PRKG1: variants seen among roughly 807,000 people sequenced by gnomAD.
PRKG1 encodes the protein cGMP-dependent protein kinase 1.
PRKG1 carries 35 observed loss-of-function variants against 88.1 expected under a neutral mutation model. The observed-to-expected ratio is 0.40, with a 90% CI of 0.30 to 0.53. PRKG1 has a LOEUF of 0.53. Among genes scored for constraint, PRKG1 ranks in the 20% least tolerant of loss-of-function variants. The pLI is 0.59. For missense variants in PRKG1, 540 were observed against 839.8 expected (o/e 0.64, Z 4.41); for synonymous variants, 303 against 292.5 (o/e 1.04, Z -0.37).
chr10:52,054,306 T>C (rs1452332726), intron 5 of PRKG1, among the ~76,000 whole-genome samples, 178 bp from the exon 6 acceptor site: 1 of 152,178 alleles, frequency 6.6e-6, no homozygotes, highest in Non-Finnish European at 1.5e-5. Flanking sequence ...ATAGAGATGA[T>C]ATCTTTGTCA....
intron 3 of PRKG1, among the ~76,000 whole-genome samples, chr10:51,472,289 T>C (rs181411567): frequency 6.6e-6 from 1 of 152,034 alleles, no homozygotes; most frequent in Admixed American, 6.6e-5. Flanking sequence ...TTACATTCCC[T>C]TGCAGCTGTT....
At chr10:51,936,951 A>ACAGT (rs1842811700) in intron 5 of PRKG1, among the ~76,000 whole-genome samples, 1 of 151,848 alleles carries the variant, frequency 6.6e-6, no homozygotes, top group South Asian at 2.1e-4. Flanking sequence ...AGGAATTGAT[A>ACAGT]TAGTTAGAAG....
chr10:51,146,248 A>AT (rs377584807), intron 1 of PRKG1, among the ~76,000 whole-genome samples: 364 of 151,194 alleles, frequency 2.4e-3, no homozygotes, highest in African/African-American at 7.0e-3. Context: ...GCATTTTGTT[A>AT]TTTTTTGTCT....
At chr10:51,034,666 A>ATT (rs5784854) in intron 1 of PRKG1, among the ~76,000 whole-genome samples, 3,026 of 25,684 alleles carry the variant, frequency 0.12, 217 homozygotes, top group Non-Finnish European at 0.14. Context: ...ATAATATGTT[A>ATT]TTTATATATA....
chr10:51,003,511 C>T (rs1005608416), intron 1 of PRKG1, among the ~76,000 whole-genome samples: 4 of 152,156 alleles, frequency 2.6e-5, no homozygotes, highest in Non-Finnish European at 5.9e-5. Flanking sequence ...TCCCCATTTG[C>T]CATGTTAAAA....
chr10:51,193,868 A>G lies in PRKG1; in HGVS notation c.478+40538A>G, dbSNP rs3901302. Among the ~76,000 whole-genome samples, 1,009 of 152,276 alleles carry G rather than the reference A, an allele frequency of 6.6e-3. 52 individuals carry two copies. The highest frequency in any genetic ancestry group is 0.062 in the Admixed American group (951 of 15,270). On this transcript the variant is annotated intron_variant, in intron 2 of 17. Transcript: ENST00000373980. ...CTGCACATTTGTGCCTATAATCACA[A>G]GACAGACCAGATGCGAAGGAGGACA...
chr10:51,937,214 C>CTTCACATG (rs1245279752), intron 5 of PRKG1, among the ~76,000 whole-genome samples: 1 of 151,918 alleles, frequency 6.6e-6, no homozygotes, highest in Non-Finnish European at 1.5e-5. Context: ...TGAAATAGTT[C>CTTCACATG]TTCACATGCA....
chr10:52,240,207 G>C (rs1403297780), intron 9 of PRKG1, among the ~76,000 whole-genome samples: 2 of 152,136 alleles, frequency 1.3e-5, no homozygotes, highest in Non-Finnish European at 1.5e-5. Context: ...TTAGTGATCA[G>C]TCGTATCAAT....
intron 2 of PRKG1, among the ~76,000 whole-genome samples, chr10:51,346,820 T>G (rs1434951336): frequency 2.6e-5 from 4 of 152,228 alleles, no homozygotes; most frequent in Admixed American, 2.6e-4. Flanking sequence ...TATAGAATAC[T>G]ACCTCATGAT....
intron 3 of PRKG1, among the ~76,000 whole-genome samples, chr10:51,550,305 T>C (rs1311784385): frequency 6.6e-6 from 1 of 152,132 alleles, no homozygotes; most frequent in East Asian, 1.9e-4. Flanking sequence ...AATCATCTTA[T>C]TAAGGAAGTC....
chr10:51,736,711 C>T (rs765900287), intron 3 of PRKG1, among the ~76,000 whole-genome samples: 12 of 151,146 alleles, frequency 7.9e-5, no homozygotes, highest in African/African-American at 1.7e-4. Context: ...TGGTTTCAAG[C>T]GGTCCTCCTG....
intron 3 of PRKG1, among the ~76,000 whole-genome samples, chr10:51,800,924 C>T (rs751105969): frequency 6.6e-6 from 1 of 152,048 alleles, no homozygotes; most frequent in Non-Finnish European, 1.5e-5. Flanking sequence ...AGGGCTTCAA[C>T]GTTTGAATTT....
intron 2 of PRKG1, among the ~76,000 whole-genome samples, chr10:51,164,560 C>T (rs1398762979): frequency 1.3e-5 from 2 of 152,122 alleles, no homozygotes; most frequent in African/African-American, 2.4e-5. Context: ...ATGACTTTCA[C>T]GAGTTGAGAG....
intron 5 of PRKG1, among the ~76,000 whole-genome samples, chr10:52,041,082 G>A (rs1309557524): frequency 6.6e-6 from 1 of 151,880 alleles, no homozygotes; most frequent in African/African-American, 2.4e-5. Flanking sequence ...CAAGTCATCT[G>A]CCCACCTCGG....
At chr10:52,200,490 T>C (rs993691663) in intron 9 of PRKG1, among the ~76,000 whole-genome samples, 5 of 152,326 alleles carry the variant, frequency 3.3e-5, no homozygotes, top group Admixed American at 3.3e-4. Context: ...TCCATGTCTT[T>C]GCTATTGTGA....
rs138160927 is a variant in PRKG1 at position 51,766,036 on chromosome 10, C to G, written c.593-38549C>G. Among the ~76,000 whole-genome samples, 351 of 152,168 alleles carry G rather than the reference C, an allele frequency of 2.3e-3. 3 individuals are homozygous for G. Among genetic ancestry groups the G allele is most frequent in the African/African-American group, 8.0e-3 (333 of 41,516 alleles). The stretch of plus-strand genomic sequence containing the variant: ...GCTGTGCCCTCATGTTGCAGTCACA[C>G]CAATGCACCACAATGTAGCAGTCTC... On this transcript the variant is annotated intron_variant, in intron 3 of 17. Coordinates refer to ENST00000373980, the MANE Select transcript of PRKG1 (RefSeq NM_006258.4).
chr10:51,553,246 G>A (rs1461745592), intron 3 of PRKG1, among the ~76,000 whole-genome samples: 1 of 151,660 alleles, frequency 6.6e-6, no homozygotes, highest in Non-Finnish European at 1.5e-5. Flanking sequence ...GATAAAAGCT[G>A]TAACTCCCTT....
At chr10:51,164,510 C>T (rs1589212295) in intron 2 of PRKG1, among the ~76,000 whole-genome samples, 3 of 152,216 alleles carry the variant, frequency 2.0e-5, no homozygotes, top group Admixed American at 6.5e-5. Context: ...TCCAAAGGAA[C>T]GCAGCTCCTC....
intron 8 of PRKG1, among the ~76,000 whole-genome samples, chr10:52,161,397 T>C (rs2132687638): frequency 6.6e-6 from 1 of 152,210 alleles, no homozygotes; most frequent in South Asian, 2.1e-4. Flanking sequence ...TGAACCTTAG[T>C]TTACTATTTT....
Sources: gnomAD v4.1 joint callset for allele counts (sites outside exome capture counted in the v4.1 genomes callset) on GRCh38, gnomAD v4.1.1 for gene constraint, MANE v1.5 for transcripts, NCBI Gene and HGNC (gene_info 2026-07-23, HGNC 2026-07-21) for gene names.